Variants in HS3ST5 observed in about 807,000 individuals in gnomAD.
The protein encoded by HS3ST5 is heparan sulfate glucosamine 3-O-sulfotransferase 5.
A neutral mutation model predicts 25.4 loss-of-function variants in HS3ST5; 10 were observed. The observed-to-expected ratio is 0.39, with a 90% CI of 0.24 to 0.67. The LOEUF (loss-of-function observed/expected upper bound fraction) is 0.67. HS3ST5 is among the 30% of genes least tolerant of loss of function. HS3ST5 has a pLI of 0.44. For synonymous variants in HS3ST5, 170 were observed against 162.4 expected (o/e 1.05, Z -0.36); for missense variants, 324 against 420.7 (o/e 0.77, Z 2.01).
chr6:114,084,604 T>C, intron 3 of HS3ST5: 2 of 780,708 alleles, frequency 2.6e-6, no homozygotes, highest in South Asian at 2.7e-5. Flanking sequence ...CAGAGGAGAA[T>C]TGTTACAGAG....
chr6:114,319,482 C>T (rs2114873673), intron 1 of HS3ST5, among the ~76,000 whole-genome samples: 1 of 152,176 alleles, frequency 6.6e-6, no homozygotes, highest in Admixed American at 6.5e-5. Flanking sequence ...TTTTGGAAGT[C>T]TTTGTTAAGG....
chr6:114,332,853 T>C (rs1381025420), intron 1 of HS3ST5, among the ~76,000 whole-genome samples: 1 of 151,960 alleles, frequency 6.6e-6, no homozygotes, highest in Non-Finnish European at 1.5e-5. Context: ...GATCAGCATA[T>C]AGAAAGGAAT....
chr6:114,286,562 AAAGT>A (rs765707292), intron 1 of HS3ST5, among the ~76,000 whole-genome samples: 78 of 152,160 alleles, frequency 5.1e-4, no homozygotes, highest in Non-Finnish European at 8.5e-4. Flanking sequence ...TTAAAAAGAG[AAAGT>A]AAGTATGTTT....
At chr6:114,262,600 G>A (rs1278628276) in intron 1 of HS3ST5, among the ~76,000 whole-genome samples, 2 of 151,664 alleles carry the variant, frequency 1.3e-5, no homozygotes, top group African/African-American at 2.4e-5. Context: ...TTGTACTGAT[G>A]TACTTCCTCT....
intron 2 of HS3ST5, among the ~76,000 whole-genome samples, chr6:114,171,689 C>T (rs114680473): frequency 1.6e-4 from 25 of 152,232 alleles, no homozygotes; most frequent in African/African-American, 5.3e-4. Context: ...TCGTAAGTTA[C>T]GGAGGCAAGA....
chr6:114,339,578 T>C (rs1026907366), intron 1 of HS3ST5, among the ~76,000 whole-genome samples: 1 of 152,162 alleles, frequency 6.6e-6, no homozygotes, highest in African/African-American at 2.4e-5. Context: ...ACTTTTTCAG[T>C]GCAACAAGAA....
Position 114,070,397 on chromosome 6 carries a change from A to G in HS3ST5, c.-32-7520T>C, listed in dbSNP as rs932157505. Among the ~76,000 whole-genome samples, 28 of 152,178 alleles carry G rather than the reference A, an allele frequency of 1.8e-4. 1 individual carries two copies. The highest frequency in any genetic ancestry group is 6.3e-4 in the African/African-American group (26 of 41,430). On this transcript the variant is annotated intron_variant, in intron 3 of 4. Transcript: ENST00000312719. ...ATACTAATAAGTAATGATAGTAGCA[A>G]TTATAATGAAAGGTCATGTTTCCAT...
chr6:114,105,994 ATGT>A (rs749184610), intron 3 of HS3ST5, among the ~76,000 whole-genome samples: 2 of 152,168 alleles, frequency 1.3e-5, no homozygotes, highest in Non-Finnish European at 2.9e-5. Flanking sequence ...GTAAGCTGTA[ATGT>A]TGTTTTCGAT....
At chr6:114,144,384 T>C (rs941865774) in intron 3 of HS3ST5, among the ~76,000 whole-genome samples, 5 of 150,966 alleles carry the variant, frequency 3.3e-5, no homozygotes, top group Non-Finnish European at 7.4e-5. Flanking sequence ...ATTTCACAAA[T>C]AAAATCAGAG....
rs865801959 is a variant in HS3ST5 at position 114,131,859 on chromosome 6, T to A, written c.-33+36492A>T. Among the ~76,000 whole-genome samples, 20 of 152,344 alleles carry A rather than the reference T, an allele frequency of 1.3e-4. No individual in the cohort carries two copies. In the South Asian group the frequency reaches 3.9e-3, roughly 30 times the overall value. On this transcript the variant is annotated intron_variant, in intron 3 of 4. Coordinates refer to ENST00000312719, the MANE Select transcript of HS3ST5 (RefSeq NM_153612.4). ...AGCCTTGCTTGTAACCATGTGGGCG[T>A]TTAATATTCCAATGTGCCCTTTCAC...
At chr6:114,240,783 CT>C (rs1286999466) in intron 1 of HS3ST5, among the ~76,000 whole-genome samples, 1 of 152,094 alleles carries the variant, frequency 6.6e-6, no homozygotes, top group African/African-American at 2.4e-5. Context: ...CAGTATGCTG[CT>C]TTTTGTACCA....
At chr6:114,287,820 A>G (rs1391624684) in intron 1 of HS3ST5, among the ~76,000 whole-genome samples, 1 of 152,058 alleles carries the variant, frequency 6.6e-6, no homozygotes, top group Non-Finnish European at 1.5e-5. Flanking sequence ...AATGCTGGCT[A>G]TTTTAGCAGA....
intron 3 of HS3ST5, among the ~76,000 whole-genome samples, chr6:114,086,507 C>T (rs112176892): frequency 1.6e-3 from 237 of 152,228 alleles, no homozygotes; most frequent in African/African-American, 5.0e-3. Context: ...AGATTCTTCC[C>T]GAGAGTCATC....
At chr6:114,339,971 A>G (rs1204950235) in intron 1 of HS3ST5, among the ~76,000 whole-genome samples, 4 of 152,258 alleles carry the variant, frequency 2.6e-5, no homozygotes, top group Admixed American at 1.3e-4. Flanking sequence ...TGCTTCTACC[A>G]GAAATCCTCC....
In HS3ST5 at chr6:114,127,521, C is replaced by G. The variant is rs148439309; in HGVS notation, c.-33+40830G>C. On this transcript the variant is annotated intron_variant, in intron 3 of 4. Transcript: ENST00000312719. ...AGGAAAGAATACACACATATTTAAC[C>G]CAAAACAATTTTGATTCCAAGTTTG... Among the ~76,000 whole-genome samples the G allele has an allele frequency of 9.3e-3, 1,415 of 151,970 alleles. 15 individuals carry two copies. The highest frequency in any genetic ancestry group is 0.032 in the African/African-American group (1,343 of 41,424).
chr6:114,259,336 ATAAAT>A (rs935390614), intron 1 of HS3ST5, among the ~76,000 whole-genome samples: 1 of 152,178 alleles, frequency 6.6e-6, no homozygotes. Flanking sequence ...CCTCTATATA[ATAAAT>A]TAAATTAAAT....
chr6:114,208,626 A>G (rs1781381541), intron 2 of HS3ST5, among the ~76,000 whole-genome samples: 1 of 152,024 alleles, frequency 6.6e-6, no homozygotes, highest in Non-Finnish European at 1.5e-5. Context: ...TGCCGTGTTG[A>G]CTCTGAATCT....
At chr6:114,298,855 T>G (rs1774942224) in intron 1 of HS3ST5, among the ~76,000 whole-genome samples, 1 of 152,194 alleles carries the variant, frequency 6.6e-6, no homozygotes, top group African/African-American at 2.4e-5. Context: ...TCTTATCCTG[T>G]CATCTCACAA....
intron 3 of HS3ST5, among the ~76,000 whole-genome samples, chr6:114,117,862 C>T (rs987839484): frequency 4.6e-5 from 7 of 152,120 alleles, no homozygotes. Flanking sequence ...AGACATCTAC[C>T]TCTAGGAGTG....
Sources: gnomAD v4.1 joint callset for allele counts (sites outside exome capture counted in the v4.1 genomes callset) on GRCh38, gnomAD v4.1.1 for gene constraint, MANE v1.5 for transcripts, NCBI Gene and HGNC (gene_info 2026-07-23, HGNC 2026-07-21) for gene names.